Variants in CALHM2 observed in about 807,000 individuals in gnomAD.
CALHM2 encodes calcium homeostasis modulator family member 2.
In CALHM2, 18 loss-of-function variants were observed where a neutral mutation model predicts 20.4. That is an observed-to-expected ratio of 0.88 (90% CI 0.61 to 1.31). The LOEUF is 1.31. CALHM2 is among the 50% of genes most tolerant of loss of function. CALHM2 has a pLI of 0.00. For missense variants in CALHM2, 411 were observed against 435.7 expected (o/e 0.94, Z 0.50); for synonymous variants, 193 against 192.1 (o/e 1.00, Z -0.04).
chr10:103,449,682 TGGCACTC>T lies in CALHM2; in HGVS notation c.253_259del (p.Glu85SerfsTer17). ...GGAGCAGTTCTTGGTCCTCCGGTGC[TGGCACTC>T]GGCCACGAGGTTCCAGGTGTGGTTG... On this transcript the variant is annotated frameshift_variant, in exon 3 of 4. Transcript: ENST00000260743. LOFTEE classifies it high-confidence loss of function. 1 of 1,613,814 alleles carries T rather than the reference TGGCACTC, an allele frequency of 6.2e-7. No homozygotes were observed. Among genetic ancestry groups the T allele is most frequent in the Non-Finnish European group, 8.5e-7 (1 of 1,180,034 alleles).
rs1311540776 is a variant in CALHM2, at chr10:103,449,631, C to T, written c.311G>A (p.Ser104Asn). 1 of 1,613,924 alleles carries T rather than the reference C, an allele frequency of 6.2e-7. No individual in the cohort carries two copies. Among genetic ancestry groups the T allele is most frequent in the Admixed American group, 1.7e-5 (1 of 60,024 alleles). Residue 104 changes from serine to asparagine, a missense_variant, in exon 3 of 4, where the codon AGC becomes AAC. Transcript: ENST00000260743. ...CSAAPTFLLL[S>N]SILGRAAVAP... ...CACAGCCGCACGTCCCAGGATGGAG[C>T]TTAGAAGGAGGAAGGTGGGGGCGGC...
intron 3 of CALHM2, chr10:103,449,181 A>C (rs2032826221): frequency 1.7e-6 from 1 of 588,022 alleles, no homozygotes. Flanking sequence ...CAGTAAAAAA[A>C]AAAATTGATA....
rs1309481621 is a variant in CALHM2 at position 103,447,033 on chromosome 10, C to T, written c.*119G>A. 2.6e-6 allele frequency: 3 copies of T among 1,133,668 alleles called. No homozygotes were observed. Among genetic ancestry groups the T allele is most frequent in the African/African-American group, 1.5e-5 (1 of 64,550 alleles). 70.2% of individuals were successfully genotyped at this position (1,133,668 alleles called of 1,614,324 possible). On this transcript the variant is annotated 3_prime_UTR_variant, in exon 4 of 4. Transcript: ENST00000260743. ...CCCCAGATTGCCTTGTGGTCCTTTC[C>T]CCTGGCCAAGAAGATAACAGTTTTT...
chr10:103,446,981 T>C lies in CALHM2; in HGVS notation c.*171A>G. 1.5e-6 allele frequency: 1 copy of C among 649,404 alleles called. No individual in the cohort carries two copies. The highest frequency in any genetic ancestry group is 2.4e-5 in the South Asian group (1 of 41,972). The allele number at this position is 649,404 out of a possible 1,614,324, so 40.2% of individuals were successfully genotyped here. ...GTCACCTGGCCCTGCTGGCTGGGGC[T>C]TCCATTGTCTACTGGGTCTGTCCAC... On this transcript the variant is annotated 3_prime_UTR_variant, in exon 4 of 4. Transcript: ENST00000260743.
chr10:103,450,297 C>T (rs932950151), intron 2 of CALHM2, 198 bp from the exon 3 acceptor site: 16 of 253,002 alleles, frequency 6.3e-5, no homozygotes, highest in African/African-American at 2.6e-4. Context: ...GCTGTGTGCC[C>T]GCCGTGCACT....
At chr10:103,447,653 C>T in intron 3 of CALHM2, 85 bp from the exon 4 acceptor site, 1 of 1,210,148 alleles carries the variant, frequency 8.3e-7, no homozygotes, top group East Asian at 2.5e-5. Flanking sequence ...GGAGCAAGTT[C>T]TGCTTGGGTA....
intron 2 of CALHM2, chr10:103,450,433 C>T: frequency 5.5e-6 from 1 of 181,374 alleles, no homozygotes; most frequent in Non-Finnish European, 1.2e-5. Flanking sequence ...CGAGCTTCTC[C>T]TGGGGTAGGG....
chr10:103,449,051 C>T (rs2133789119), intron 3 of CALHM2, among the ~76,000 whole-genome samples: 1 of 152,286 alleles, frequency 6.6e-6, no homozygotes, highest in East Asian at 1.9e-4. Context: ...TGTCAAGGGC[C>T]CATGCTCAAT....
chr10:103,448,528 T>C (rs113661630), intron 3 of CALHM2, among the ~76,000 whole-genome samples: 2,606 of 151,416 alleles, frequency 0.017, 58 homozygotes, highest in African/African-American at 0.054. Flanking sequence ...GAGACCAGCC[T>C]GGCCAACATG....
chr10:103,447,210 C>T lies in CALHM2; in HGVS notation c.914G>A (p.Gly305Asp). 3 of 1,614,180 alleles carry T rather than the reference C, an allele frequency of 1.9e-6. No individual in the cohort carries two copies. Among genetic ancestry groups the T allele is most frequent in the Non-Finnish European group, 2.5e-6 (3 of 1,180,006 alleles). Residue 305 changes from glycine (G) to aspartate (D), a missense_variant, in exon 4 of 4, where the codon GGT becomes GAT. Gly to Asp is a moderately conservative substitution (Grantham distance 94, BLOSUM62 -1). Coordinates refer to ENST00000260743, the MANE Select transcript of CALHM2 (RefSeq NM_015916.5). Reference protein sequence around the residue: ...LYSRLHKWAQGLAGNGAAPDN... With the variant: ...LYSRLHKWAQDLAGNGAAPDN... ...AGGGGCCGCGCCGTTGCCTGCCAGA[C>T]CCTGGGCCCACTTGTGCAGGCGGCT...
intron 3 of CALHM2, 29 bp downstream of exon 3, chr10:103,449,358 G>A (rs1056169235): frequency 8.1e-6 from 13 of 1,598,760 alleles, no homozygotes; most frequent in Non-Finnish European, 1.1e-5. Flanking sequence ...CACTAGGGAA[G>A]AGGAGCTTCC....
chr10:103,447,642 A>AGGAGC, intron 3 of CALHM2, 74 bp from the exon 4 acceptor site: 1 of 1,310,448 alleles, frequency 7.6e-7, no homozygotes, highest in Non-Finnish European at 1.0e-6. Flanking sequence ...CGAATGGAAA[A>AGGAGC]GGAGCAAGTT....
chr10:103,448,729 A>C (rs2032799773), intron 3 of CALHM2, among the ~76,000 whole-genome samples: 2 of 151,852 alleles, frequency 1.3e-5, no homozygotes, highest in Non-Finnish European at 2.9e-5. Context: ...TCAAAAAAAA[A>C]AAAAGAAAAA....
chr10:103,447,515 C>T lies in CALHM2; in HGVS notation c.609G>A (p.Lys203=). 1 of 1,610,960 alleles carries T rather than the reference C, an allele frequency of 6.2e-7. No individual in the cohort carries two copies. Among genetic ancestry groups the T allele is most frequent in the African/African-American group, 1.3e-5 (1 of 75,000 alleles). ...GVVAILVFLT[K]CLKHYCSPLS... ...GTGGTGAGCAGTAATGCTTGAGGCACTTGGTCAGGAACACCAGGATGGCCA... is the reference window on the plus strand; with the variant it reads ...GTGGTGAGCAGTAATGCTTGAGGCATTTGGTCAGGAACACCAGGATGGCCA... Residue 203 remains lysine, a synonymous_variant, in exon 4 of 4, where the codon AAG becomes AAA. Coordinates refer to ENST00000260743, the MANE Select transcript of CALHM2 (RefSeq NM_015916.5).
At chr10:103,448,664 T>G (rs1449991894) in intron 3 of CALHM2, among the ~76,000 whole-genome samples, 4 of 150,586 alleles carry the variant, frequency 2.7e-5, no homozygotes, top group Admixed American at 6.6e-5. Context: ...GAGGCTGCGG[T>G]AAGCCAAGAT....
Position 103,449,405 on chromosome 10 carries a change from C to A in CALHM2, c.537G>T (p.Arg179Ser). The part of the protein sequence containing the change: ...LSDFREEVSR[R>S]LRYESQLFGW... ...TCCTTACCTGGGACTCATACCTGAG[C>A]CTGCGGCTGACCTCCTCCCGGAAGT... The change falls in exon 3 of 4, where the codon AGG (arginine) becomes AGT (serine). Residue 179 changes from arginine to serine, a missense_variant. By Grantham distance (110) the Arg-to-Ser change is moderately radical. Transcript: ENST00000260743. The A allele has an allele frequency of 1.2e-6, 2 of 1,612,916 alleles. No homozygotes were observed. Among genetic ancestry groups the A allele is most frequent in the Non-Finnish European group, 1.7e-6 (2 of 1,180,006 alleles).
Position 103,446,986 on chromosome 10 carries a change from T to C in CALHM2, c.*166A>G. On this transcript the variant is annotated 3_prime_UTR_variant, in exon 4 of 4. Coordinates refer to ENST00000260743, the MANE Select transcript of CALHM2 (RefSeq NM_015916.5). ...CTGGCCCTGCTGGCTGGGGCTTCCA[T>C]TGTCTACTGGGTCTGTCCACACCCC... The C allele has an allele frequency of 1.5e-6, 1 of 672,222 alleles. No homozygotes were observed. Among genetic ancestry groups the C allele is most frequent in the Non-Finnish European group, 2.4e-6 (1 of 414,230 alleles). The allele number at this position is 672,222 out of a possible 1,614,324, so 41.6% of individuals were successfully genotyped here.
chr10:103,451,002 C>T (rs1564788216), intron 2 of CALHM2, 81 bp downstream of exon 2: 1 of 152,238 alleles, frequency 6.6e-6, no homozygotes, highest in Non-Finnish European at 1.5e-5. Context: ...GGACCTCTAA[C>T]CACAACCTAA....
At chr10:103,450,243 G>A in intron 2 of CALHM2, 144 bp from the exon 3 acceptor site, 1 of 434,586 alleles carries the variant, frequency 2.3e-6, no homozygotes, top group Non-Finnish European at 4.2e-6. Flanking sequence ...TTCCTCCAGG[G>A]TGCATGGCAC....
Sources: gnomAD v4.1 joint callset for allele counts (sites outside exome capture counted in the v4.1 genomes callset) on GRCh38, gnomAD v4.1.1 for gene constraint, MANE v1.5 for transcripts, NCBI Gene and HGNC (gene_info 2026-07-23, HGNC 2026-07-21) for gene names.